The following UBN2 variants were observed in gnomAD, a reference collection of about 807,000 sequenced individuals.
The protein encoded by UBN2 is ubinuclein-2.
A neutral mutation model predicts 120.2 loss-of-function variants in UBN2; 35 were observed. The ratio of observed to expected loss-of-function variants is 0.29; its 90% CI spans 0.22 to 0.39. The LOEUF (loss-of-function observed/expected upper bound fraction) is 0.39, where lower values mean the gene tolerates loss of function less well. UBN2 is among the 10% of genes least tolerant of loss of function. The probability of loss-of-function intolerance (pLI) is 1.00; values close to 1 mark genes in which losing one functional copy is unlikely to be tolerated. For missense variants in UBN2, 1,693 were observed against 1,663.2 expected, an observed-to-expected ratio of 1.02 and a Z score of -0.31; for synonymous variants, 661 against 648.7, an observed-to-expected ratio of 1.02 and a Z score of -0.29.
chr7:139,254,218 G>A (rs929260733), intron 3 of UBN2, among the ~76,000 whole-genome samples: 5 of 152,060 alleles, frequency 3.3e-5, no homozygotes, highest in South Asian at 2.1e-4. Flanking sequence ...GCTTGAACCC[G>A]GGAGGCGGAG....
intron 6 of UBN2, among the ~76,000 whole-genome samples, chr7:139,263,276 A>G (rs766737539): frequency 2.0e-5 from 3 of 152,212 alleles, no homozygotes; most frequent in Non-Finnish European, 4.4e-5. Context: ...CTAAATTTCA[A>G]CACTCTTTAA....
chr7:139,325,201 G>T, the UBN2 span, among the ~76,000 whole-genome samples: 2 of 151,398 alleles, frequency 1.3e-5, no homozygotes, highest in East Asian at 1.9e-4. Context: ...AGGATTACAG[G>T]GGAGGAACAA....
At chr7:139,322,857 A>G in the UBN2 span, among the ~76,000 whole-genome samples, 1 of 152,014 alleles carries the variant, frequency 6.6e-6, no homozygotes, top group Admixed American at 6.6e-5. Flanking sequence ...TAAAAAACCA[A>G]AGAGGAAAAT....
rs1164223142 is a variant in UBN2, at chr7:139,261,264, A to G, written c.918A>G (p.Leu306=). The change falls in exon 6 of 18, where the codon CTA becomes CTG. Residue 306 remains leucine (L), a synonymous_variant. Coordinates refer to ENST00000473989, the MANE Select transcript of UBN2 (RefSeq NM_173569.4). ...TTTGTCTTCACAGAGTTGTGGCTCT[A>G]AATTCACACAAGTCTGAAAAAAAGA... The part of the protein sequence containing the change: ...KVPKQLGVVA[L]NSHKSEKKKK... 1.9e-6 allele frequency: 3 copies of G among 1,606,122 alleles called. No individual in the cohort carries two copies. The highest frequency in any genetic ancestry group is 2.5e-6 in the Non-Finnish European group (3 of 1,177,104).
chr7:139,269,901 T>G (rs554290638), intron 8 of UBN2, among the ~76,000 whole-genome samples: 1 of 151,728 alleles, frequency 6.6e-6, no homozygotes, highest in Admixed American at 6.6e-5. Context: ...CTTAACCTCC[T>G]GGGCTCGAGC....
intron 15 of UBN2, among the ~76,000 whole-genome samples, chr7:139,286,696 C>A (rs1797798727): frequency 6.6e-6 from 1 of 151,336 alleles, no homozygotes; most frequent in African/African-American, 2.4e-5. Flanking sequence ...CTTAAATATT[C>A]TTTGAAAACA....
intron 12 of UBN2, among the ~76,000 whole-genome samples, chr7:139,278,488 CT>C (rs1169204633): frequency 6.6e-6 from 1 of 151,932 alleles, no homozygotes. Flanking sequence ...CTCCTTCTCC[CT>C]TTTTTTAAAT....
chr7:139,315,118 G>A, the UBN2 span, among the ~76,000 whole-genome samples: 3 of 151,886 alleles, frequency 2.0e-5, no homozygotes, highest in African/African-American at 7.3e-5. Context: ...TGGGAGTACA[G>A]TTGCCCACCA....
In UBN2 at chr7:139,283,608, C is replaced by T; in HGVS notation, c.2703C>T (p.Ser901=). The part of the protein sequence containing the change: ...SSSQTHVSSS[S]QAQIAASSHA... Reference sequence around the variant, plus strand: ...CACAGACCCATGTCTCCTCTTCTTCCCAAGCCCAAATTGCTGCCTCTTCTC... The same window carrying T: ...CACAGACCCATGTCTCCTCTTCTTCTCAAGCCCAAATTGCTGCCTCTTCTC... Residue 901 remains serine, a synonymous_variant, in exon 15 of 18, where the codon TCC becomes TCT. Transcript: ENST00000473989. The T allele has an allele frequency of 6.2e-7, 1 of 1,614,160 alleles. No homozygotes were observed. The highest frequency in any genetic ancestry group is 1.6e-4 in the Middle Eastern group (1 of 6,062).
chr7:139,293,572 GTTTTTTTTTT>G (rs201538099), intron 16 of UBN2, 109 bp downstream of exon 16: 2 of 690,444 alleles, frequency 2.9e-6, no homozygotes, highest in African/African-American at 3.9e-5. Flanking sequence ...GAAGATTATA[GTTTTTTTTTT>G]TTTTTTTAAG....
intron 2 of UBN2, among the ~76,000 whole-genome samples, chr7:139,250,198 G>A (rs1264164512): frequency 6.6e-6 from 1 of 152,052 alleles, no homozygotes; most frequent in Non-Finnish European, 1.5e-5. Context: ...ACCATACCAT[G>A]GCACTCTAGT....
At chr7:139,268,635 C>G (rs911873860) in intron 7 of UBN2, among the ~76,000 whole-genome samples, 4 of 151,926 alleles carry the variant, frequency 2.6e-5, no homozygotes, top group Non-Finnish European at 4.4e-5. Flanking sequence ...TCTTTTTTCT[C>G]TTTTGAGACA....
chr7:139,270,132 T>A (rs1157949146), intron 8 of UBN2, among the ~76,000 whole-genome samples: 1 of 152,208 alleles, frequency 6.6e-6, no homozygotes, highest in Admixed American at 6.5e-5. Flanking sequence ...TATATTTGTA[T>A]CCCTAAACAT....
At chr7:139,292,110 C>T (rs140813378) in intron 15 of UBN2, among the ~76,000 whole-genome samples, 8 of 151,416 alleles carry the variant, frequency 5.3e-5, no homozygotes, top group Non-Finnish European at 7.4e-5. Context: ...AAATGTTAGC[C>T]GGGTATAGTG....
rs749470919 is a variant in UBN2, at chr7:139,251,971, A to G, written c.577A>G (p.Lys193Glu). 1.9e-5 allele frequency: 30 copies of G among 1,614,022 alleles called. No individual in the cohort carries two copies. In the South Asian group the frequency reaches 3.0e-4, roughly 16 times the overall value. ...TTCTTTGCAGGGTGGGAAACCCCGT[A>G]AACACCGGAAGGATCGGCTACAAGA... ...FEMKYGGKPR[K>E]HRKDRLQDLI... is the part of the protein sequence containing the mutation. Residue 193 changes from lysine to glutamate, a missense_variant, in exon 3 of 18, where the codon AAA (lysine) becomes GAA (glutamate). Lys to Glu is a moderately conservative substitution (Grantham distance 56). Transcript: ENST00000473989.
chr7:139,289,454 C>T (rs1197519190), intron 15 of UBN2, among the ~76,000 whole-genome samples: 1 of 142,134 alleles, frequency 7.0e-6, no homozygotes, highest in Non-Finnish European at 1.5e-5. Flanking sequence ...ACTCTGTTGC[C>T]CAGGCTGGAG....
chr7:139,315,081 A>G, the UBN2 span, among the ~76,000 whole-genome samples: 90 of 151,678 alleles, frequency 5.9e-4, 1 homozygote, highest in South Asian at 0.016. Flanking sequence ...GTTCACGCCA[A>G]TCTCCTGCCT....
chr7:139,279,489 A>G lies in UBN2; in HGVS notation c.2067+129A>G, dbSNP rs565327221. 2.3e-5 allele frequency: 15 copies of G among 655,082 alleles called. No homozygotes were observed. In the Admixed American group the frequency reaches 3.3e-4, roughly 14 times the overall value. 40.6% of individuals were successfully genotyped at this position (655,082 alleles called of 1,614,324 possible). A position where few individuals can be genotyped will look rare whatever the true frequency, so the allele number is the denominator to read the frequency against. ...CTATAAGATAGATGTTTTCAACTTC[A>G]TAATAATCTTAGTACTTTTGTATTT... On this transcript the variant is annotated intron_variant, in intron 13 of 17. Coordinates refer to ENST00000473989, the MANE Select transcript of UBN2 (RefSeq NM_173569.4).
chr7:139,324,918 C>T, the UBN2 span, among the ~76,000 whole-genome samples: 1 of 151,650 alleles, frequency 6.6e-6, no homozygotes, highest in Non-Finnish European at 1.5e-5. Flanking sequence ...TGCAGTGAGC[C>T]GAGATTGCGC....
Sources: allele counts gnomAD v4.1 joint callset (sites outside exome capture counted in the v4.1 genomes callset), GRCh38; gene constraint gnomAD v4.1.1; transcripts MANE v1.5; gene names NCBI Gene and HGNC (gene_info 2026-07-23, HGNC 2026-07-21).